Variants in ABCC12 observed in about 807,000 individuals in gnomAD.
ABCC12 encodes the protein ATP-binding cassette sub-family C member 12.
Under a neutral mutation model 151.1 loss-of-function variants are expected in ABCC12, and 142 were observed. The ratio of observed to expected loss-of-function variants is 0.94; its 90% CI spans 0.82 to 1.08. ABCC12 has a LOEUF of 1.08. ABCC12 is among the 50% of genes least tolerant of loss of function. ABCC12 has a pLI of 0.00. For missense variants in ABCC12, 1,638 were observed against 1,691.1 expected, an observed-to-expected ratio of 0.97 and a Z score of 0.55; for synonymous variants, 645 against 646.4, an observed-to-expected ratio of 1.00 and a Z score of 0.03.
chr16:48,140,880 G>A lies in ABCC12; in HGVS notation c.464C>T (p.Thr155Ile). Residue 155 changes from threonine (T) to isoleucine (I), a missense_variant, in exon 6 of 31, where the codon ACC becomes ATC. By Grantham distance (89) the Thr-to-Ile change is moderately conservative. Coordinates refer to ENST00000311303, the MANE Select transcript of ABCC12 (RefSeq NM_001393797.1). Reference sequence around the variant, plus strand: ...AATGCCAACCCAGACTTTCCCAGAGGTCCTCTCAGTCTGCTGGAGGATTTG... The same window carrying A: ...AATGCCAACCCAGACTTTCCCAGAGATCCTCTCAGTCTGCTGGAGGATTTG... ...IHQILQQTERTSGKVWVGIGL... is the reference protein window; with the variant it reads ...IHQILQQTERISGKVWVGIGL... 6.2e-7 allele frequency: 1 copy of A among 1,614,144 alleles called. No individual in the cohort carries two copies. The highest frequency in any genetic ancestry group is 8.5e-7 in the Non-Finnish European group (1 of 1,180,030).
At chr16:48,101,557 C>T (rs1176532783) in intron 22 of ABCC12, among the ~76,000 whole-genome samples, 2 of 151,344 alleles carry the variant, frequency 1.3e-5, no homozygotes, top group Admixed American at 1.3e-4. Flanking sequence ...GACCAGGGAC[C>T]TCGGGTGTTT....
intron 10 of ABCC12, among the ~76,000 whole-genome samples, chr16:48,130,163 C>T (rs1283878665): frequency 6.6e-6 from 1 of 152,204 alleles, no homozygotes; most frequent in South Asian, 2.1e-4. Flanking sequence ...TCTTCCCTTT[C>T]CTCTCCTCAG....
At chr16:48,152,269 A>G (rs1965126542) in intron 2 of ABCC12, among the ~76,000 whole-genome samples, 1 of 152,216 alleles carries the variant, frequency 6.6e-6, no homozygotes, top group African/African-American at 2.4e-5. Context: ...TGAAAAGTTT[A>G]AAAATTGGCC....
At chr16:48,093,631 A>T (rs1354969802) in intron 24 of ABCC12, among the ~76,000 whole-genome samples, 2 of 152,184 alleles carry the variant, frequency 1.3e-5, no homozygotes, top group Non-Finnish European at 2.9e-5. Context: ...CTGACTGCTG[A>T]TTCCACAGCC....
intron 8 of ABCC12, among the ~76,000 whole-genome samples, chr16:48,134,770 C>T (rs1964548980): frequency 6.6e-6 from 1 of 152,186 alleles, no homozygotes; most frequent in Non-Finnish European, 1.5e-5. Flanking sequence ...ATCCCACCCT[C>T]AGCCAGGAGT....
intron 18 of ABCC12, among the ~76,000 whole-genome samples, chr16:48,109,603 T>A (rs1963617139): frequency 6.6e-6 from 1 of 152,272 alleles, no homozygotes; most frequent in Admixed American, 6.5e-5. Context: ...CAAAGGCACC[T>A]TGCTGAATAG....
At position 48,111,629 on chromosome 16, in the gene ABCC12, C is replaced by T; in HGVS notation, c.2158G>A (p.Glu720Lys). Residue 720 changes from glutamate to lysine, a missense_variant, in exon 17 of 31, where the codon GAA (glutamate) becomes AAA (lysine). Coordinates refer to ENST00000311303, the MANE Select transcript of ABCC12 (RefSeq NM_001393797.1). ...TCAGCAGGGCTCTCCTTGAAGGCTT[C>T]CACCATTGCTGCATTGTAAAGGTGT... ...PEHLYNAAMV[E>K]AFKESPAERE... 1 of 1,614,134 alleles carries T rather than the reference C, an allele frequency of 6.2e-7. No individual in the cohort carries two copies. The highest frequency in any genetic ancestry group is 8.5e-7 in the Non-Finnish European group (1 of 1,180,014).
intron 8 of ABCC12, among the ~76,000 whole-genome samples, chr16:48,134,562 C>T (rs373859118): frequency 6.6e-6 from 1 of 152,174 alleles, no homozygotes; most frequent in Non-Finnish European, 1.5e-5. Flanking sequence ...GAAGGGGGAG[C>T]CGAGGACAGA....
intron 9 of ABCC12, 25 bp downstream of exon 9, chr16:48,133,662 G>A (rs1248892842): frequency 2.5e-6 from 4 of 1,611,126 alleles, no homozygotes; most frequent in East Asian, 2.2e-5. Flanking sequence ...TTGTGAAAGA[G>A]CCTCGATCTG....
At chr16:48,135,484 G>A (rs938878528) in intron 8 of ABCC12, among the ~76,000 whole-genome samples, 2 of 152,150 alleles carry the variant, frequency 1.3e-5, no homozygotes, top group Middle Eastern at 3.4e-3. Context: ...AGGCTCAAGC[G>A]ATCCTTCCAC....
At position 48,140,864 on chromosome 16, in the gene ABCC12, C is replaced by T; in HGVS notation, c.480G>A (p.Trp160Ter). 6.2e-7 allele frequency: 1 copy of T among 1,614,092 alleles called. No homozygotes were observed. The highest frequency in any genetic ancestry group is 1.1e-5 in the South Asian group (1 of 91,066). ...GGGCTATGCACAGTCCAATGCCAAC[C>T]CAGACTTTCCCAGAGGTCCTCTCAG... Reference protein sequence around the residue: ...QQTERTSGKVWVGIGLCIALF... With the variant: ...QQTERTSGKV The change falls in exon 6 of 31, where the codon TGG becomes TGA. Residue 160 changes from tryptophan (W) to a stop codon, truncating the protein, a stop_gained. Coordinates refer to ENST00000311303, the MANE Select transcript of ABCC12 (RefSeq NM_001393797.1). LOFTEE classifies it high-confidence loss of function.
At chr16:48,113,670 T>A (rs1963777793) in intron 15 of ABCC12, among the ~76,000 whole-genome samples, 1 of 152,210 alleles carries the variant, frequency 6.6e-6, no homozygotes, top group Non-Finnish European at 1.5e-5. Flanking sequence ...GACCAAGATC[T>A]TGTGCCACCT....
At chr16:48,133,875 A>G in intron 8 of ABCC12, 40 bp from the exon 9 acceptor site, 1 of 1,611,322 alleles carries the variant, frequency 6.2e-7, no homozygotes, top group Non-Finnish European at 8.5e-7. Flanking sequence ...CTCATTTTGC[A>G]TGTCGAACAC....
intron 11 of ABCC12, among the ~76,000 whole-genome samples, chr16:48,126,390 C>A (rs1964240028): frequency 6.6e-6 from 1 of 152,182 alleles, no homozygotes; most frequent in African/African-American, 2.4e-5. Flanking sequence ...AGGAGCTGGG[C>A]TTCGGGATAA....
rs143453562 is a variant in ABCC12, at chr16:48,105,263, A to G, written c.2549T>C (p.Val850Ala). 1.1e-3 allele frequency: 1,727 copies of G among 1,614,070 alleles called. 1 individual carries two copies. Among genetic ancestry groups the G allele is most frequent in the Middle Eastern group, 1.7e-3 (10 of 6,000 alleles). ...GAVLADIGQH[V>A]YQWVYTASMV... ...GCTTGCAGTGTACACCCACTGGTAC[A>G]CATGCTGACCGATGTCTGCCAGCAC... The change falls in exon 21 of 31, where the codon GTG (valine) becomes GCG (alanine). Residue 850 changes from valine to alanine, a missense_variant. Val to Ala is a moderately conservative substitution (Grantham distance 64). Transcript: ENST00000311303.
rs760817120 is a variant in ABCC12 at position 48,085,717 on chromosome 16, C to T, written c.3715-11G>A. The T allele has an allele frequency of 3.8e-5, 60 of 1,594,968 alleles. No individual in the cohort carries two copies. Among genetic ancestry groups the T allele is most frequent in the Non-Finnish European group, 5.2e-5 (60 of 1,162,996 alleles). On this transcript the variant is annotated splice_polypyrimidine_tract_variant and intron_variant, in intron 28 of 30. Coordinates refer to ENST00000311303, the MANE Select transcript of ABCC12 (RefSeq NM_001393797.1). ...TGGGAGTTTCATTATCTACAAAACA[C>T]AAAAAATGCCACATTTGTGCTGATG...
intron 14 of ABCC12, 61 bp downstream of exon 14, chr16:48,117,200 T>C: frequency 1.3e-6 from 2 of 1,506,012 alleles, no homozygotes; most frequent in South Asian, 2.4e-5. Context: ...CTCAGCCCTT[T>C]GGACCTGAGC....
intron 21 of ABCC12, 114 bp from the exon 22 acceptor site, chr16:48,104,482 A>G: frequency 2.3e-6 from 2 of 888,198 alleles, no homozygotes; most frequent in Admixed American, 2.2e-5. Flanking sequence ...CCAGGGCACA[A>G]CACAGTGTGT....
At chr16:48,105,985 G>C (rs58234378) in intron 20 of ABCC12, among the ~76,000 whole-genome samples, 1 of 152,200 alleles carries the variant, frequency 6.6e-6, no homozygotes, top group Non-Finnish European at 1.5e-5. Context: ...ATCCTGCCCA[G>C]TGAAAACACA....
Sources: allele counts gnomAD v4.1 joint callset (sites outside exome capture counted in the v4.1 genomes callset), GRCh38; gene constraint gnomAD v4.1.1; transcripts MANE v1.5; gene names NCBI Gene and HGNC (gene_info 2026-07-23, HGNC 2026-07-21).